The following SIPA1L3 variants were observed in gnomAD, a reference collection of about 807,000 sequenced individuals.
SIPA1L3 encodes the protein signal-induced proliferation-associated 1-like protein 3.
In SIPA1L3, 59 loss-of-function variants were observed where a neutral mutation model predicts 150.1. That is an observed-to-expected ratio of 0.39 (90% CI 0.32 to 0.49). The LOEUF is 0.49. Ranked by LOEUF, SIPA1L3 falls within the 20% of genes least tolerant of loss-of-function variation. The pLI, the probability that SIPA1L3 is intolerant of heterozygous loss-of-function variation, is 0.86. For synonymous variants in SIPA1L3, 1,070 were observed against 1,077.6 expected, an observed-to-expected ratio of 0.99 and a Z score of 0.14; for missense variants, 2,211 against 2,489.5, an observed-to-expected ratio of 0.89 and a Z score of 2.38.
rs1049751615 is a variant in SIPA1L3, at chr19:38,164,328, C to T, written c.3781-151C>T. The T allele has an allele frequency of 1.3e-6, 1 of 741,484 alleles. No homozygotes were observed. The highest frequency in any genetic ancestry group is 2.2e-6 in the Non-Finnish European group (1 of 447,644). 45.9% of individuals were successfully genotyped at this position (741,484 alleles called of 1,614,324 possible). A position where few individuals can be genotyped will look rare whatever the true frequency, so the allele number is the denominator to read the frequency against. ...ACTGAGGCTGAGGGAAGGTAAATCA[C>T]TTGCCCAAGGTAACACGGCCAGTAG... On this transcript the variant is annotated intron_variant, in intron 14 of 21. Transcript: ENST00000222345. This position sits in a 1 kb window ranked among gnomAD's most constrained non-coding sequence, Gnocchi z 4.1.
chr19:38,055,920 G>A (rs974800257), intron 2 of SIPA1L3, among the ~76,000 whole-genome samples: 5 of 152,188 alleles, frequency 3.3e-5, no homozygotes, highest in African/African-American at 4.8e-5. Flanking sequence ...GAAAATTGTC[G>A]GGTTTTCTTC....
At chr19:38,045,168 AG>A (rs1370626497) in intron 2 of SIPA1L3, among the ~76,000 whole-genome samples, 5 of 152,172 alleles carry the variant, frequency 3.3e-5, no homozygotes, top group Non-Finnish European at 5.9e-5. Context: ...ACTTGAGGTC[AG>A]GAGTTCGAGA....
chr19:37,983,371 A>T (rs1305691273), intron 1 of SIPA1L3, among the ~76,000 whole-genome samples: 1 of 152,178 alleles, frequency 6.6e-6, no homozygotes, highest in Non-Finnish European at 1.5e-5. Flanking sequence ...CTCATCTGTT[A>T]AGTGGGATAA....
chr19:38,077,364 T>C (rs1187469119), intron 2 of SIPA1L3, among the ~76,000 whole-genome samples: 1 of 152,054 alleles, frequency 6.6e-6, no homozygotes, highest in African/African-American at 2.4e-5. Flanking sequence ...GGCAGGAAGA[T>C]CACTTGAGCC....
chr19:38,065,954 G>T (rs1247252492), intron 2 of SIPA1L3, among the ~76,000 whole-genome samples: 10 of 51,862 alleles, frequency 1.9e-4, no homozygotes, highest in African/African-American at 3.9e-4. Context: ...TATTTTTGAG[G>T]CAACGTCTTG....
In SIPA1L3 at chr19:38,138,897, C is replaced by CAAAAAAAAAA. The variant is rs3045988; in HGVS notation, c.3144-2278_3144-2269dup. Among the ~76,000 whole-genome samples the CAAAAAAAAAA allele has an allele frequency of 3.9e-4, 17 of 44,106 alleles. 1 individual carries two copies. The highest frequency in any genetic ancestry group is 6.3e-4 in the South Asian group (1 of 1,582). The allele number at this position is 44,106 out of a possible 152,430, so 28.9% of individuals were successfully genotyped here. ...TGGGTGACAGAACGAGACTCTATCT[C>CAAAAAAAAAA]AAAAAAAAAAAAAAAAAACTGAGTG... On this transcript the variant is annotated intron_variant, in intron 10 of 21. Coordinates refer to ENST00000222345, the MANE Select transcript of SIPA1L3 (RefSeq NM_015073.3).
At chr19:38,197,764 G>A (rs1313409726) in intron 18 of SIPA1L3, among the ~76,000 whole-genome samples, 2 of 152,004 alleles carry the variant, frequency 1.3e-5, no homozygotes, top group Non-Finnish European at 2.9e-5. Context: ...AGTAGGCCCA[G>A]AATCTGCCCC....
Position 38,100,077 on chromosome 19 carries a change from A to G in SIPA1L3, c.1781A>G (p.Asn594Ser). The G allele has an allele frequency of 6.2e-7, 1 of 1,612,422 alleles. No individual in the cohort carries two copies. Among genetic ancestry groups the G allele is most frequent in the Non-Finnish European group, 8.5e-7 (1 of 1,179,360 alleles). ...DALEYVIPEL[N>S]IHCLRLALNT... ...CTGGAGTATGTCATCCCCGAGCTCA[A>G]CATCCACTGCCTGCGGCTGGCCCTC... Residue 594 changes from asparagine to serine, a missense_variant, in exon 5 of 22, where the codon AAC becomes AGC. Transcript: ENST00000222345.
intron 1 of SIPA1L3, among the ~76,000 whole-genome samples, chr19:37,911,003 TG>T (rs1413910697): frequency 1.3e-5 from 2 of 152,182 alleles, no homozygotes; most frequent in African/African-American, 4.8e-5. Flanking sequence ...AAGAAATTCA[TG>T]CTTGTTGTAA....
In SIPA1L3 at chr19:38,082,355, G is replaced by A; in HGVS notation, c.790G>A (p.Gly264Arg). The A allele has an allele frequency of 6.3e-7, 1 of 1,597,714 alleles. No individual in the cohort carries two copies. Among genetic ancestry groups the A allele is most frequent in the South Asian group, 1.1e-5 (1 of 90,822 alleles). ...GGGAKGDSHNGQPAKDSLLPL... is the reference protein window; with the variant it reads ...GGGAKGDSHNRQPAKDSLLPL... ...CGGAGCCAAGGGGGACTCCCACAAC[G>A]GGCAGCCCGCCAAGGACAGCCTCCT... is the stretch of plus-strand genomic sequence containing the variant. The change falls in exon 3 of 22, where the codon GGG becomes AGG. Residue 264 changes from glycine to arginine, a missense_variant. Around this residue, in one of 5 missense-constraint regions of SIPA1L3, gnomAD observed 587 missense variants for 534.5 expected, o/e 1.10. Coordinates refer to ENST00000222345, the MANE Select transcript of SIPA1L3 (RefSeq NM_015073.3).
intron 16 of SIPA1L3, among the ~76,000 whole-genome samples, chr19:38,183,152 G>A (rs1972597000): frequency 1.3e-5 from 2 of 152,184 alleles, no homozygotes; most frequent in African/African-American, 4.8e-5. Flanking sequence ...GATGGGGACA[G>A]ACCATGGAGG....
chr19:38,193,602 G>A lies in SIPA1L3; in HGVS notation c.4662G>A (p.Glu1554=). Residue 1554 remains glutamate (E), a synonymous_variant, in exon 18 of 22, where the codon GAG becomes GAA. Coordinates refer to ENST00000222345, the MANE Select transcript of SIPA1L3 (RefSeq NM_015073.3). The stretch of plus-strand genomic sequence containing the variant: ...AGAGCCTGTGCAGCGGGCGCCGGGA[G>A]CCCAGCTTCGCCAGCCCCGCTGGCC... ...SDESLCSGRR[E]PSFASPAGLE... is the part of the protein sequence containing the mutation. 6.4e-7 allele frequency: 1 copy of A among 1,563,214 alleles called. No individual in the cohort carries two copies.
At chr19:38,161,741 A>G (rs1490549931) in intron 13 of SIPA1L3, among the ~76,000 whole-genome samples, 1 of 151,968 alleles carries the variant, frequency 6.6e-6, no homozygotes, top group African/African-American at 2.4e-5. Context: ...AAGACAGTCA[A>G]GCTCATAGAT....
chr19:38,202,204 A>G (rs1478816980), intron 20 of SIPA1L3, among the ~76,000 whole-genome samples: 7 of 152,238 alleles, frequency 4.6e-5, no homozygotes, highest in African/African-American at 1.7e-4. Context: ...TGACCAAGAC[A>G]GACTCTGCCC....
At chr19:37,926,997 AGGT>A (rs2046509378) in intron 1 of SIPA1L3, among the ~76,000 whole-genome samples, 1 of 152,042 alleles carries the variant, frequency 6.6e-6, no homozygotes. Flanking sequence ...AGCTAAAAAA[AGGT>A]GGTGGCATGA....
intron 21 of SIPA1L3, among the ~76,000 whole-genome samples, 160 bp downstream of exon 21, chr19:38,204,368 C>T (rs1266704130): frequency 6.6e-6 from 1 of 152,200 alleles, no homozygotes; most frequent in Non-Finnish European, 1.5e-5. Context: ...AGTGATAACA[C>T]CCCAGGCTAC....
rs117247458 is a variant in SIPA1L3, at chr19:38,164,177, C to T, written c.3781-302C>T. Among the ~76,000 whole-genome samples the T allele has an allele frequency of 9.3e-3, 1,420 of 152,244 alleles. 29 individuals carry two copies. The highest frequency in any genetic ancestry group is 0.044 in the Admixed American group (667 of 15,280). On this transcript the variant is annotated intron_variant, in intron 14 of 21. Transcript: ENST00000222345. The surrounding 1 kb of genome is among the most constrained non-coding windows in gnomAD (Gnocchi z 4.1). ...GTCATTGAGATGAGGAAGACGCTGC[C>T]GAACTCAGTCTTAGATTCGCTGAGT...
intron 17 of SIPA1L3, among the ~76,000 whole-genome samples, chr19:38,192,897 C>G (rs1285771053): frequency 2.0e-5 from 3 of 152,212 alleles, no homozygotes; most frequent in African/African-American, 4.8e-5. Flanking sequence ...GCGCTACCCA[C>G]TGGGGTCCCA....
intron 10 of SIPA1L3, among the ~76,000 whole-genome samples, chr19:38,139,210 A>G (rs1600123784): frequency 6.6e-6 from 1 of 151,890 alleles, no homozygotes; most frequent in African/African-American, 2.4e-5. Flanking sequence ...AAAACAAACA[A>G]CTGATGCTCG....
Sources: gnomAD v4.1 joint callset for allele counts (sites outside exome capture counted in the v4.1 genomes callset) on GRCh38, gnomAD v4.1.1 for gene constraint, gnomAD v4.1.1 regional missense constraint, Gnocchi (gnomAD v3.1) non-coding constraint, MANE v1.5 for transcripts, NCBI Gene and HGNC (gene_info 2026-07-23, HGNC 2026-07-21) for gene names.